Variants in DNAH12 observed in about 807,000 individuals in gnomAD.
The protein encoded by DNAH12 is dynein axonemal heavy chain 12.
A neutral mutation model predicts 371.5 loss-of-function variants in DNAH12; 285 were observed. The ratio of observed to expected loss-of-function variants is 0.77; its 90% CI spans 0.70 to 0.85. The LOEUF is 0.85. DNAH12 is among the 40% of genes least tolerant of loss of function. The probability of loss-of-function intolerance (pLI) is 0.00; values close to 1 mark genes in which losing one functional copy is unlikely to be tolerated. For missense variants in DNAH12, 3,611 were observed against 3,689.4 expected, an observed-to-expected ratio of 0.98 and a Z score of 0.55; for synonymous variants, 1,200 against 1,213.0, an observed-to-expected ratio of 0.99 and a Z score of 0.22.
Position 57,446,111 on chromosome 3 carries a change from T to C in DNAH12, c.4099A>G (p.Lys1367Glu). The C allele has an allele frequency of 6.4e-7, 1 of 1,551,708 alleles. No individual in the cohort carries two copies. The highest frequency in any genetic ancestry group is 8.7e-7 in the Non-Finnish European group (1 of 1,146,990). The change falls in exon 27 of 74, where the codon AAG becomes GAG. Residue 1367 changes from lysine to glutamate, a missense_variant. This residue lies in a region of DNAH12 where 2,266 missense variants were observed against 2,236.9 expected (regional missense o/e 1.01). Coordinates refer to ENST00000495027, the MANE Select transcript of DNAH12 (RefSeq NM_001366028.2). The stretch of plus-strand genomic sequence containing the variant: ...GCTACAAAACAATTCGGATTGAGCT[T>C]AAGTTCTGTCCCTTCAAAAACAAAC... ...VVFVFEGTEL[K>E]LNPNCFVAIT...
chr3:57,531,383 C>G (rs1036898955), intron 2 of DNAH12, among the ~76,000 whole-genome samples: 6 of 152,154 alleles, frequency 3.9e-5, no homozygotes, highest in African/African-American at 1.4e-4. Flanking sequence ...GCCAGACATA[C>G]TGGAGTTCCA....
intron 45 of DNAH12, among the ~76,000 whole-genome samples, chr3:57,391,230 T>C (rs1262940726): frequency 2.6e-5 from 4 of 152,210 alleles, no homozygotes; most frequent in South Asian, 4.1e-4. Flanking sequence ...CCCTCCCTAA[T>C]GTCAGTGGGC....
rs1415795865 is a variant in DNAH12, at chr3:57,477,897, G to A, written c.1651-5226C>T. Reference sequence around the variant, plus strand: ...TAGAAGGAAAACTAACAAACAGAAAGGACATCTACACCAAAACCCCATCTG... The same window carrying A: ...TAGAAGGAAAACTAACAAACAGAAAAGACATCTACACCAAAACCCCATCTG... On this transcript the variant is annotated intron_variant, in intron 13 of 73. Coordinates refer to ENST00000495027, the MANE Select transcript of DNAH12 (RefSeq NM_001366028.2). 4.6e-5 allele frequency among the ~76,000 whole-genome samples: 7 copies of A among 151,288 alleles called. No individual in the cohort carries two copies. The South Asian group carries it at 1.5e-3, about 32-fold the overall frequency.
chr3:57,299,228 G>A (rs1357626327), intron 70 of DNAH12, among the ~76,000 whole-genome samples: 1 of 152,186 alleles, frequency 6.6e-6, no homozygotes, highest in Admixed American at 6.5e-5. Context: ...ATCCCAGAGT[G>A]TCATTAGTGT....
chr3:57,365,027 G>GT (rs1297420496), intron 57 of DNAH12, among the ~76,000 whole-genome samples: 7 of 152,090 alleles, frequency 4.6e-5, no homozygotes, highest in Non-Finnish European at 8.8e-5. Context: ...ATGTAAATTA[G>GT]TTTAACCATT....
At position 57,415,410 on chromosome 3, in the gene DNAH12, C is replaced by T. The variant is rs1308051605; in HGVS notation, c.5853+16G>A. ...AAAAATTAACGATAGACCCCCATTT[C>T]TGTCTTTAAACTAACCTGAACCTGA... On this transcript the variant is annotated intron_variant, in intron 38 of 73. Transcript: ENST00000495027. 3.2e-6 allele frequency: 5 copies of T among 1,544,602 alleles called. No homozygotes were observed. The South Asian group carries it at 6.1e-5, about 19-fold the overall frequency.
intron 46 of DNAH12, 29 bp from the exon 47 acceptor site, chr3:57,386,632 C>T (rs2153345477): frequency 6.6e-6 from 1 of 152,298 alleles, no homozygotes; most frequent in South Asian, 2.1e-4. Context: ...ACATAGCTCA[C>T]TTTAAGTAAT....
intron 2 of DNAH12, chr3:57,530,920 T>G (rs756208070): frequency 6.4e-6 from 1 of 156,966 alleles, no homozygotes; most frequent in Non-Finnish European, 1.4e-5. Flanking sequence ...GAGGGCTTAC[T>G]CTTGCCCCTG....
chr3:57,509,955 G>C (rs1219836747), intron 5 of DNAH12, among the ~76,000 whole-genome samples: 3 of 145,348 alleles, frequency 2.1e-5, no homozygotes, highest in Non-Finnish European at 4.5e-5. Flanking sequence ...AAATTGTCAA[G>C]AGTAGATTTT....
At chr3:57,325,903 G>A (rs978704605) in intron 62 of DNAH12, among the ~76,000 whole-genome samples, 5 of 152,202 alleles carry the variant, frequency 3.3e-5, no homozygotes, top group South Asian at 2.1e-4. Context: ...GCCAAGGCAC[G>A]AGAACTATGT....
chr3:57,304,269 G>C (rs1404343463), intron 69 of DNAH12, among the ~76,000 whole-genome samples: 2 of 152,144 alleles, frequency 1.3e-5, no homozygotes, highest in African/African-American at 4.8e-5. Flanking sequence ...GTGAAATTTG[G>C]TGCCATGACT....
Position 57,437,007 on chromosome 3 carries a change from A to G in DNAH12, c.4599T>C (p.Val1533=). ...EACNVHNLQP[V]KFFLEKIIQT... Reference sequence around the variant, plus strand: ...GAATTATTTTTTCAAGAAAAAATTTAACAGGCTGAAGATTATGTACATTGC... The same window carrying G: ...GAATTATTTTTTCAAGAAAAAATTTGACAGGCTGAAGATTATGTACATTGC... The change falls in exon 30 of 74, where the codon GTT becomes GTC. Residue 1533 remains valine, a synonymous_variant. Transcript: ENST00000495027. 6.6e-7 allele frequency: 1 copy of G among 1,512,784 alleles called. No individual in the cohort carries two copies. The highest frequency in any genetic ancestry group is 1.3e-5 in the South Asian group (1 of 74,390). 93.7% of individuals were successfully genotyped at this position (1,512,784 alleles called of 1,614,324 possible).
At chr3:57,315,860 G>A (rs78629619) in intron 65 of DNAH12, among the ~76,000 whole-genome samples, 6,497 of 152,178 alleles carry the variant, frequency 0.043, 210 homozygotes, top group Non-Finnish European at 0.061. Context: ...GTCTACAGGC[G>A]AAGAAGGCTC....
At chr3:57,500,672 G>C (rs938674593) in intron 11 of DNAH12, among the ~76,000 whole-genome samples, 3 of 152,020 alleles carry the variant, frequency 2.0e-5, no homozygotes, top group Non-Finnish European at 4.4e-5. Flanking sequence ...ACAACACTTT[G>C]TCCATATCTC....
chr3:57,403,158 A>C, intron 43 of DNAH12, 151 bp downstream of exon 43: 1 of 770,610 alleles, frequency 1.3e-6, no homozygotes, highest in South Asian at 3.2e-5. Flanking sequence ...TCAGGACAGA[A>C]CTCAACACAC....
At chr3:57,430,538 T>C (rs1005021861) in intron 32 of DNAH12, among the ~76,000 whole-genome samples, 6 of 152,208 alleles carry the variant, frequency 3.9e-5, no homozygotes, top group African/African-American at 7.2e-5. Flanking sequence ...TTATCAAATA[T>C]GTCAAAAACT....
At chr3:57,312,035 T>A (rs1307348918) in intron 66 of DNAH12, among the ~76,000 whole-genome samples, 1 of 152,200 alleles carries the variant, frequency 6.6e-6, no homozygotes, top group Non-Finnish European at 1.5e-5. Context: ...CTTGTTCTAA[T>A]ATACAGGAAT....
intron 62 of DNAH12, among the ~76,000 whole-genome samples, chr3:57,324,815 A>C (rs2061897939): frequency 6.6e-6 from 1 of 152,172 alleles, no homozygotes; most frequent in African/African-American, 2.4e-5. Flanking sequence ...TCCCTTTCCT[A>C]GTCAAAGAAA....
intron 67 of DNAH12, among the ~76,000 whole-genome samples, chr3:57,310,225 C>A (rs567354037): frequency 6.6e-6 from 1 of 152,288 alleles, no homozygotes; most frequent in South Asian, 2.1e-4. Context: ...CAATGTATTG[C>A]CCCTAGAACT....
Sources: allele counts gnomAD v4.1 joint callset (sites outside exome capture counted in the v4.1 genomes callset), GRCh38; gene constraint gnomAD v4.1.1; regional missense constraint gnomAD v4.1.1; transcripts MANE v1.5; gene names NCBI Gene and HGNC (gene_info 2026-07-23, HGNC 2026-07-21).